The following GLP2R variants were observed in gnomAD, a reference collection of about 807,000 sequenced individuals.
The protein encoded by GLP2R is glucagon-like peptide 2 receptor.
Under a neutral mutation model 68.2 loss-of-function variants are expected in GLP2R, and 59 were observed. That is an observed-to-expected ratio of 0.87 (90% CI 0.70 to 1.07). The LOEUF (loss-of-function observed/expected upper bound fraction) is 1.07. GLP2R is among the 50% of genes least tolerant of loss of function. GLP2R has a pLI of 0.00. For synonymous variants in GLP2R, 270 were observed against 265.4 expected (o/e 1.02, Z -0.17); for missense variants, 548 against 677.4 (o/e 0.81, Z 2.12).
At chr17:9,864,377 A>G (rs2067014798) in intron 9 of GLP2R, among the ~76,000 whole-genome samples, 1 of 152,138 alleles carries the variant, frequency 6.6e-6, no homozygotes, top group African/African-American at 2.4e-5. Flanking sequence ...CTACTCCTGG[A>G]GTTCTCAAAA....
In GLP2R at chr17:9,889,799, A is replaced by G. The variant is rs1234709764; in HGVS notation, c.*94A>G. On this transcript the variant is annotated 3_prime_UTR_variant, in exon 13 of 13. Transcript: ENST00000262441. ...CAGGACACACGTTGCTGGGCACGGA[A>G]TCATTCTCGTTCCATTCACCATGCC... The G allele has an allele frequency of 1.3e-6, 1 of 751,940 alleles. No homozygotes were observed. The highest frequency in any genetic ancestry group is 2.7e-5 in the East Asian group (1 of 37,132). 46.6% of individuals were successfully genotyped at this position (751,940 alleles called of 1,614,324 possible). A position where few individuals can be genotyped will look rare whatever the true frequency, so the allele number is the denominator to read the frequency against.
chr17:9,833,037 C>T (rs1268176594), intron 1 of GLP2R, among the ~76,000 whole-genome samples: 3 of 152,010 alleles, frequency 2.0e-5, no homozygotes, highest in Non-Finnish European at 4.4e-5. Flanking sequence ...CTGAGGTGGG[C>T]AGATCACGAG....
At chr17:9,857,853 C>T (rs568630182) in intron 6 of GLP2R, among the ~76,000 whole-genome samples, 15 of 152,322 alleles carry the variant, frequency 9.8e-5, no homozygotes, top group African/African-American at 2.9e-4. Flanking sequence ...ACCAGATCAA[C>T]GTATTTTACA....
Position 9,857,543 on chromosome 17 carries a change from C to T in GLP2R, c.732C>T (p.Asp244=), listed in dbSNP as rs773046774. The change falls in exon 6 of 13, where the codon GAC becomes GAT. Residue 244 remains aspartate (D), a synonymous_variant. Transcript: ENST00000262441. ...ACAACTCTTACTCCAAGAGGCCTGACAATGAGAATGGGTGGATGTCCTACC... is the reference window on the plus strand; with the variant it reads ...ACAACTCTTACTCCAAGAGGCCTGATAATGAGAATGGGTGGATGTCCTACC... ...VFYNSYSKRP[D]NENGWMSYLS... 2 of 1,614,164 alleles carry T rather than the reference C, an allele frequency of 1.2e-6. No individual in the cohort carries two copies. The highest frequency in any genetic ancestry group is 1.7e-6 in the Non-Finnish European group (2 of 1,180,012).
At chr17:9,845,592 C>T (rs1188918854) in intron 4 of GLP2R, among the ~76,000 whole-genome samples, 1 of 152,154 alleles carries the variant, frequency 6.6e-6, no homozygotes, top group Non-Finnish European at 1.5e-5. Flanking sequence ...TTCAGACTAT[C>T]TTCCCTGGAC....
chr17:9,867,427 C>G (rs2067049433), intron 9 of GLP2R, among the ~76,000 whole-genome samples: 1 of 152,212 alleles, frequency 6.6e-6, no homozygotes, highest in Non-Finnish European at 1.5e-5. Context: ...CAGAAATGAC[C>G]ATAATGTGGC....
rs1466934039 is a variant in GLP2R at position 9,854,550 on chromosome 17, CCTT to C, written c.563_565del (p.Phe188del). 1 of 1,612,608 alleles carries C rather than the reference CCTT, an allele frequency of 6.2e-7. No homozygotes were observed. ...CAGCTGATGTACACCGTGGGATACT[CCTT>C]CTCTCTTATCTCCCTCTTCCTGGCT... On this transcript the variant is annotated inframe_deletion, in exon 5 of 13. Coordinates refer to ENST00000262441, the MANE Select transcript of GLP2R (RefSeq NM_004246.3).
At chr17:9,837,910 T>G (rs1026376532) in intron 3 of GLP2R, among the ~76,000 whole-genome samples, 3 of 152,194 alleles carry the variant, frequency 2.0e-5, no homozygotes, top group African/African-American at 7.2e-5. Context: ...TTCAGCCCGA[T>G]AAATCATCCC....
chr17:9,866,578 G>A (rs1233691426), intron 9 of GLP2R: 1 of 152,282 alleles, frequency 6.6e-6, no homozygotes, highest in East Asian at 1.9e-4. Flanking sequence ...CCAGACTGAT[G>A]GAATCAAATC....
intron 4 of GLP2R, among the ~76,000 whole-genome samples, chr17:9,850,519 C>A (rs554292383): frequency 6.6e-6 from 1 of 152,172 alleles, no homozygotes; most frequent in Admixed American, 6.5e-5. Context: ...CGATGACTGG[C>A]AAGATTTGGT....
intron 11 of GLP2R, among the ~76,000 whole-genome samples, chr17:9,882,547 G>T (rs376401773): frequency 1.2e-4 from 18 of 151,758 alleles, no homozygotes; most frequent in African/African-American, 4.4e-4. Flanking sequence ...CACACATACA[G>T]AGGAAACATG....
chr17:9,867,955 C>T (rs931727629), intron 9 of GLP2R, among the ~76,000 whole-genome samples: 11 of 152,178 alleles, frequency 7.2e-5, no homozygotes, highest in African/African-American at 2.4e-4. Context: ...AAGACATTTC[C>T]TCACTCCTGT....
In GLP2R at chr17:9,890,339, C is replaced by G. The variant is rs1460017877; in HGVS notation, c.*634C>G. 3.3e-6 allele frequency: 1 copy of G among 303,734 alleles called. No individual in the cohort carries two copies. The highest frequency in any genetic ancestry group is 2.2e-5 in the African/African-American group (1 of 45,246). 18.8% of individuals were successfully genotyped at this position (303,734 alleles called of 1,614,324 possible). On this transcript the variant is annotated 3_prime_UTR_variant, in exon 13 of 13. Transcript: ENST00000262441. ...GCTCTCCCAGGTCAGCTGGGGTGTG[C>G]CTGCCCTCCTTGGAGAGTATGTAAC...
chr17:9,841,893 G>A (rs2066790543), intron 3 of GLP2R, among the ~76,000 whole-genome samples: 1 of 152,214 alleles, frequency 6.6e-6, no homozygotes, highest in Non-Finnish European at 1.5e-5. Context: ...TGGGATAGAT[G>A]TGACTGAGTC....
chr17:9,852,507 A>T (rs540035838), intron 4 of GLP2R, among the ~76,000 whole-genome samples: 1 of 152,364 alleles, frequency 6.6e-6, no homozygotes, highest in South Asian at 2.1e-4. Context: ...ATATCAAGTC[A>T]GTGGCCTAAC....
intron 4 of GLP2R, among the ~76,000 whole-genome samples, chr17:9,846,229 C>A (rs1432481976): frequency 6.6e-6 from 1 of 152,042 alleles, no homozygotes; most frequent in African/African-American, 2.4e-5. Flanking sequence ...CTAAATAATA[C>A]CAATTGCATA....
At position 9,861,299 on chromosome 17, in the gene GLP2R, C is replaced by T. The variant is rs922931504; in HGVS notation, c.986+100C>T. 4 of 819,208 alleles carry T rather than the reference C, an allele frequency of 4.9e-6. No homozygotes were observed. In the African/African-American group the frequency reaches 6.7e-5, roughly 14 times the overall value. 50.7% of individuals were successfully genotyped at this position (819,208 alleles called of 1,614,324 possible). A position where few individuals can be genotyped will look rare whatever the true frequency, so the allele number is the denominator to read the frequency against. On this transcript the variant is annotated intron_variant, in intron 8 of 12. Coordinates refer to ENST00000262441, the MANE Select transcript of GLP2R (RefSeq NM_004246.3). ...CATTTTACCGTAGAAAATATCTATC[C>T]CTTCTCATTTTGGCCATCTAGAATA...
At chr17:9,840,820 C>T (rs1393824905) in intron 3 of GLP2R, among the ~76,000 whole-genome samples, 2 of 152,082 alleles carry the variant, frequency 1.3e-5, no homozygotes, top group African/African-American at 2.4e-5. Flanking sequence ...AGGTCAATGG[C>T]GCTCTATGCG....
intron 4 of GLP2R, 102 bp from the exon 5 acceptor site, chr17:9,854,393 G>T: frequency 1.4e-6 from 1 of 729,024 alleles, no homozygotes. Flanking sequence ...AAAAATGTTG[G>T]GAGTCCATGC....
Sources: allele counts gnomAD v4.1 joint callset (sites outside exome capture counted in the v4.1 genomes callset), GRCh38; gene constraint gnomAD v4.1.1; transcripts MANE v1.5; gene names NCBI Gene and HGNC (gene_info 2026-07-23, HGNC 2026-07-21).